Variants in GLP1R observed in about 807,000 individuals in gnomAD.
The protein encoded by GLP1R is glucagon-like peptide 1 receptor.
GLP1R carries 32 observed loss-of-function variants against 68.4 expected under a neutral mutation model. That is an observed-to-expected ratio of 0.47 (90% CI 0.35 to 0.63). GLP1R has a LOEUF of 0.63. GLP1R is among the 20% of genes least tolerant of loss of function. GLP1R has a pLI of 0.00. For synonymous variants in GLP1R, 263 were observed against 244.4 expected, an observed-to-expected ratio of 1.08 and a Z score of -0.71; for missense variants, 502 against 594.9, an observed-to-expected ratio of 0.84 and a Z score of 1.62.
intron 8 of GLP1R, 104 bp from the exon 9 acceptor site, chr6:39,078,853 G>A (rs1768909009): frequency 1.9e-5 from 18 of 947,788 alleles, no homozygotes; most frequent in Non-Finnish European, 2.9e-5. Context: ...TGTGTGTGTG[G>A]CACTCAACAT....
chr6:39,090,733 G>A lies in GLP1R; in HGVS notation c.*4660G>A, dbSNP rs1193907009. On this transcript the variant is annotated 3_prime_UTR_variant, in exon 13 of 13. Transcript: ENST00000373256. ...ATGTAGCATGACTAATTATTGCTGT[G>A]TCAAAGCAATTCAGGACAAGAAAAA... is the stretch of plus-strand genomic sequence containing the variant. Among the ~76,000 whole-genome samples the A allele has an allele frequency of 6.6e-6, 1 of 152,160 alleles. No homozygotes were observed. Among genetic ancestry groups the A allele is most frequent in the East Asian group, 1.9e-4 (1 of 5,202 alleles).
chr6:39,073,409 T>C (rs1316297811), intron 6 of GLP1R, among the ~76,000 whole-genome samples: 1 of 152,172 alleles, frequency 6.6e-6, no homozygotes, highest in Non-Finnish European at 1.5e-5. Flanking sequence ...GGGGGATACA[T>C]TACTTTCTTC....
At chr6:39,052,597 G>A (rs1324238501) in intron 1 of GLP1R, among the ~76,000 whole-genome samples, 1 of 152,220 alleles carries the variant, frequency 6.6e-6, no homozygotes, top group Non-Finnish European at 1.5e-5. Flanking sequence ...GGCAGCCAGT[G>A]TTTGGAGAGG....
chr6:39,070,883 G>GT (rs1318295141), intron 5 of GLP1R, among the ~76,000 whole-genome samples: 2 of 151,744 alleles, frequency 1.3e-5, no homozygotes, highest in African/African-American at 2.4e-5. Context: ...TCATTTTATG[G>GT]TTTTTTATGC....
chr6:39,078,321 G>C lies in GLP1R; in HGVS notation c.824-1G>C. 1 of 1,610,170 alleles carries C rather than the reference G, an allele frequency of 6.2e-7. No homozygotes were observed. The highest frequency in any genetic ancestry group is 8.5e-7 in the Non-Finnish European group (1 of 1,176,452). The stretch of plus-strand genomic sequence containing the variant: ...CCCTTCTGTCTTTCCCTCTCTCTTA[G>C]GTGTTCCCCTGCTGTTTGTTGTCCC... On this transcript the variant is annotated splice_acceptor_variant, in intron 7 of 12. Transcript: ENST00000373256. LOFTEE classifies it high-confidence loss of function.
intron 5 of GLP1R, among the ~76,000 whole-genome samples, chr6:39,068,240 T>C (rs1295776139): frequency 6.6e-6 from 1 of 152,216 alleles, no homozygotes; most frequent in East Asian, 1.9e-4. Flanking sequence ...CTTCTTTGAC[T>C]CAGTGTCCTG....
rs928145370 is a variant in GLP1R, at chr6:39,073,913, G to T, written c.823+144G>T. The T allele has an allele frequency of 1.5e-5, 10 of 683,812 alleles. No homozygotes were observed. In the Admixed American group the frequency reaches 2.1e-4, roughly 14 times the overall value. The allele number at this position is 683,812 out of a possible 1,614,324, so 42.4% of individuals were successfully genotyped here. A position where few individuals can be genotyped will look rare whatever the true frequency, so the allele number is the denominator to read the frequency against. ...CCTCTTCCTGGGCACAGGACCTTCT[G>T]CCCCGGTGCTGTTAAGATGCCGTAG... On this transcript the variant is annotated intron_variant, in intron 7 of 12. Coordinates refer to ENST00000373256, the MANE Select transcript of GLP1R (RefSeq NM_002062.5).
chr6:39,074,079 A>C (rs1768748396), intron 7 of GLP1R, among the ~76,000 whole-genome samples: 1 of 152,134 alleles, frequency 6.6e-6, no homozygotes, highest in African/African-American at 2.4e-5. Flanking sequence ...CCACATGGGG[A>C]CATAAGTTCA....
chr6:39,063,897 TACACACACACACACACACACAGACACATA>T (rs1232883267), intron 3 of GLP1R, among the ~76,000 whole-genome samples: 4 of 142,052 alleles, frequency 2.8e-5, no homozygotes, highest in Non-Finnish European at 6.1e-5. Context: ...CCCCATCGTG[TACACACACACACACACACACAGACACATA>T]ACACACACAC....
intron 7 of GLP1R, among the ~76,000 whole-genome samples, chr6:39,075,440 G>T (rs1768791491): frequency 6.6e-6 from 1 of 152,214 alleles, no homozygotes; most frequent in African/African-American, 2.4e-5. Context: ...CGTGTGTGAT[G>T]TGTGCAGAGG....
intron 8 of GLP1R, among the ~76,000 whole-genome samples, chr6:39,078,600 G>A (rs1268451666): frequency 6.6e-6 from 1 of 152,100 alleles, no homozygotes. Context: ...CTGGGTCTGT[G>A]GGGTACATGG....
chr6:39,071,826 G>A (rs1273045058), intron 5 of GLP1R, among the ~76,000 whole-genome samples: 2 of 152,070 alleles, frequency 1.3e-5, no homozygotes, highest in East Asian at 1.9e-4. Context: ...TAAAAATAAG[G>A]TAGAATTTTT....
chr6:39,071,959 C>A (rs1032459403), intron 5 of GLP1R, among the ~76,000 whole-genome samples: 13 of 152,172 alleles, frequency 8.5e-5, no homozygotes, highest in Non-Finnish European at 1.6e-4. Context: ...ATAAAATTCT[C>A]CATCGAGATC....
intron 5 of GLP1R, among the ~76,000 whole-genome samples, chr6:39,068,517 G>A (rs778088785): frequency 1.3e-5 from 2 of 152,198 alleles, no homozygotes; most frequent in Non-Finnish European, 2.9e-5. Context: ...GGGCCCTGAG[G>A]CTCTCCAGGA....
chr6:39,079,748 G>A lies in GLP1R; in HGVS notation c.1182+46G>A. The A allele has an allele frequency of 3.2e-6, 5 of 1,542,808 alleles. No individual in the cohort carries two copies. Among genetic ancestry groups the A allele is most frequent in the South Asian group, 1.1e-5 (1 of 88,370 alleles). On this transcript the variant is annotated intron_variant, in intron 11 of 12. Coordinates refer to ENST00000373256, the MANE Select transcript of GLP1R (RefSeq NM_002062.5). This position sits in a 1 kb window ranked among gnomAD's most constrained non-coding sequence, Gnocchi z 4.5. ...ACTTGCTTGTAAAGTCCTAGAGTGG[G>A]GGTGGGACAGACACCAGCCTGCATC...
In GLP1R at chr6:39,086,190, C is replaced by CACACACACACACAA. The variant is rs1554173006; in HGVS notation, c.*130_*131insAACACACACACACA. 1,719 of 715,058 alleles carry CACACACACACACAA rather than the reference C, an allele frequency of 2.4e-3. 18 individuals are homozygous for CACACACACACACAA. The African/African-American group carries it at 0.027, about 11-fold the overall frequency. 44.3% of individuals were successfully genotyped at this position (715,058 alleles called of 1,614,324 possible). ...GGACACACACACACACACACACACA[C>CACACACACACACAA]ACACACACACACACATACATCCTGC... On this transcript the variant is annotated 3_prime_UTR_variant, in exon 13 of 13. Coordinates refer to ENST00000373256, the MANE Select transcript of GLP1R (RefSeq NM_002062.5). The surrounding 1 kb of genome is among the most constrained non-coding windows in gnomAD (Gnocchi z 4.5).
At chr6:39,074,954 A>T (rs530206711) in intron 7 of GLP1R, among the ~76,000 whole-genome samples, 1 of 150,686 alleles carries the variant, frequency 6.6e-6, no homozygotes, top group East Asian at 2.0e-4. Context: ...CCCACCCCCC[A>T]GGAGAAGAGT....
Position 39,085,958 on chromosome 6 carries a change from A to G in GLP1R, c.1277A>G (p.His426Arg), listed in dbSNP as rs1158382194. The change falls in exon 13 of 13, where the codon CAC becomes CGC. Residue 426 changes from histidine to arginine, a missense_variant. His to Arg is a conservative substitution (Grantham distance 29). Coordinates refer to ENST00000373256, the MANE Select transcript of GLP1R (RefSeq NM_002062.5). ...GAGCGCTGGCGGCTTGAGCACTTGC[A>G]CATCCAGAGGGACAGCAGCATGAAG... The part of the protein sequence containing the change: ...SWERWRLEHL[H>R]IQRDSSMKPL... 2 of 1,613,952 alleles carry G rather than the reference A, an allele frequency of 1.2e-6. No homozygotes were observed.
At chr6:39,056,177 A>T (rs992145568) in intron 1 of GLP1R, among the ~76,000 whole-genome samples, 4 of 152,166 alleles carry the variant, frequency 2.6e-5, no homozygotes, top group Non-Finnish European at 5.9e-5. Context: ...TGACACATCA[A>T]GCTATGCACC....
Sources: allele counts gnomAD v4.1 joint callset (sites outside exome capture counted in the v4.1 genomes callset), GRCh38; gene constraint gnomAD v4.1.1; non-coding constraint Gnocchi (gnomAD v3.1); transcripts MANE v1.5; gene names NCBI Gene and HGNC (gene_info 2026-07-23, HGNC 2026-07-21).